The following SPAG4 variants were observed in gnomAD, a reference collection of about 807,000 sequenced individuals.
SPAG4 encodes sperm-associated antigen 4 protein.
SPAG4 carries 54 observed loss-of-function variants against 53.9 expected under a neutral mutation model. The observed-to-expected ratio is 1.00, with a 90% confidence interval of 0.80 to 1.26. The LOEUF is 1.26. Among genes scored for constraint, SPAG4 ranks in the 50% most tolerant of loss-of-function variants. SPAG4 has a pLI of 0.00. For synonymous variants in SPAG4, 246 were observed against 237.4 expected, an observed-to-expected ratio of 1.04 and a Z score of -0.33; for missense variants, 548 against 568.6, an observed-to-expected ratio of 0.96 and a Z score of 0.37.
chr20:35,618,019 G>A (rs1282798006), intron 4 of SPAG4, 68 bp from the exon 5 acceptor site: 2 of 1,528,822 alleles, frequency 1.3e-6, no homozygotes, highest in Non-Finnish European at 1.8e-6. Context: ...TCTTTCCACT[G>A]TCCCCCTATG....
chr20:35,620,177 G>A (rs1368951252), intron 10 of SPAG4, among the ~76,000 whole-genome samples: 1 of 152,100 alleles, frequency 6.6e-6, no homozygotes, highest in African/African-American at 2.4e-5. Flanking sequence ...CACCATGTTG[G>A]CCAGGATGGT....
rs1214581804 is a variant in SPAG4 at position 35,616,230 on chromosome 20, CT to C, written c.228del (p.Gln77SerfsTer20). 6.4e-7 allele frequency: 1 copy of C among 1,559,458 alleles called. No homozygotes were observed. The highest frequency in any genetic ancestry group is 8.6e-7 in the Non-Finnish European group (1 of 1,156,138). On this transcript the variant is annotated frameshift_variant, in exon 1 of 12. Coordinates refer to ENST00000374273, the MANE Select transcript of SPAG4 (RefSeq NM_003116.3). LOFTEE classifies it high-confidence loss of function. ...GGAGGAACCACATGGGCAGGAAGCT[CT>C]CAGCAGAAGCCAGCGCCTCGGAGCC... ...VPGGTTWAGS[S>X]QQKPAPRSHN...
intron 3 of SPAG4, 59 bp from the exon 4 acceptor site, chr20:35,617,720 T>C: frequency 1.3e-6 from 2 of 1,578,190 alleles, no homozygotes; most frequent in Non-Finnish European, 1.7e-6. Flanking sequence ...TCTAGGACCC[T>C]GGGGTGGGGA....
intron 1 of SPAG4, among the ~76,000 whole-genome samples, chr20:35,616,633 CTTTT>C (rs11476679): frequency 3.1e-5 from 4 of 128,916 alleles, no homozygotes; most frequent in Middle Eastern, 3.6e-3. Context: ...GGGACCAACT[CTTTT>C]TTTTTTTTTT....
At position 35,615,914 on chromosome 20, in the gene SPAG4, C is replaced by T; in HGVS notation, c.-90C>T. ...ACTTCACGCAGGGTCCGTGGGGTCC[C>T]CGCGGCGCGCAGCGGCTGAAGGAGG... is the stretch of plus-strand genomic sequence containing the variant. On this transcript the variant is annotated 5_prime_UTR_variant, in exon 1 of 12. Transcript: ENST00000374273. 3 of 1,368,246 alleles carry T rather than the reference C, an allele frequency of 2.2e-6. No individual in the cohort carries two copies. In the East Asian group the frequency reaches 7.4e-5, roughly 34 times the overall value. 84.8% of individuals were successfully genotyped at this position (1,368,246 alleles called of 1,614,324 possible).
intron 10 of SPAG4, 168 bp from the exon 11 acceptor site, chr20:35,620,516 T>C (rs1432896716): frequency 1.8e-6 from 1 of 570,262 alleles, no homozygotes; most frequent in Non-Finnish European, 3.1e-6. Flanking sequence ...AAACCTGGTT[T>C]CTTAGAGCCC....
chr20:35,617,323 C>A (rs921975580), intron 2 of SPAG4, 83 bp downstream of exon 2: 2 of 1,065,736 alleles, frequency 1.9e-6, no homozygotes, highest in East Asian at 2.6e-5. Context: ...CCCCGGCCCC[C>A]GTTTGAGTAT....
rs1419609686 is a variant in SPAG4, at chr20:35,617,781, AGGTC to A, written c.480_483del (p.Glu160AspfsTer14). 1 of 1,613,826 alleles carries A rather than the reference AGGTC, an allele frequency of 6.2e-7. No individual in the cohort carries two copies. Among genetic ancestry groups the A allele is most frequent in the South Asian group, 1.1e-5 (1 of 91,062 alleles). On this transcript the variant is annotated frameshift_variant, in exon 4 of 12. Coordinates refer to ENST00000374273, the MANE Select transcript of SPAG4 (RefSeq NM_003116.3). LOFTEE classifies it high-confidence loss of function. ...TCAGCCTCCCTCCGGTTCCCCAGGG[AGGTC>A]TGTTCCATCCGCTTCCTGTTCACGG...
At chr20:35,620,639 C>CCCCCCA in intron 10 of SPAG4, 45 bp from the exon 11 acceptor site, 1 of 729,052 alleles carries the variant, frequency 1.4e-6, no homozygotes, top group Non-Finnish European at 2.4e-6. Flanking sequence ...CCCCCCGCCC[C>CCCCCCA]ACCTGTCCCC....
intron 2 of SPAG4, 63 bp from the exon 3 acceptor site, chr20:35,617,457 C>T: frequency 1.4e-6 from 2 of 1,433,582 alleles, no homozygotes; most frequent in Non-Finnish European, 9.5e-7. Flanking sequence ...CCGGACACCA[C>T]GCAGGCTGAG....
chr20:35,619,251 T>C lies in SPAG4; in HGVS notation c.850T>C (p.Tyr284His). 1.2e-6 allele frequency: 2 copies of C among 1,613,994 alleles called. No individual in the cohort carries two copies. The highest frequency in any genetic ancestry group is 1.7e-6 in the Non-Finnish European group (2 of 1,179,996). The change falls in exon 9 of 12, where the codon TAC (tyrosine) becomes CAC (histidine). Residue 284 changes from tyrosine to histidine, a missense_variant. Coordinates refer to ENST00000374273, the MANE Select transcript of SPAG4 (RefSeq NM_003116.3). ...CGATTACGCAGACAGGAACACTGCC[T>C]ACTTCTGGAATCGCTTCAGCTTCTG... ...SHDYADRNTA[Y>H]FWNRFSFWNY...
chr20:35,620,580 A>G, intron 10 of SPAG4, 104 bp from the exon 11 acceptor site: 2 of 752,992 alleles, frequency 2.7e-6, no homozygotes, highest in Non-Finnish European at 4.7e-6. Context: ...ACATGCATAT[A>G]GCTATTGAAT....
Position 35,616,017 on chromosome 20 carries a change from C to G in SPAG4, c.14C>G (p.Ser5Cys). The G allele has an allele frequency of 1.2e-6, 2 of 1,611,870 alleles. No homozygotes were observed. Among genetic ancestry groups the G allele is most frequent in the Non-Finnish European group, 1.7e-6 (2 of 1,179,622 alleles). MRRS[S>C]RPGSASSSRK... ...CAGGGGGTCAGGATGCGGCGAAGCTCCCGCCCGGGCTCGGCCTCGTCCTCG... is the reference window on the plus strand; with the variant it reads ...CAGGGGGTCAGGATGCGGCGAAGCTGCCGCCCGGGCTCGGCCTCGTCCTCG... Residue 5 changes from serine (S) to cysteine (C), a missense_variant, in exon 1 of 12, where the codon TCC (serine) becomes TGC (cysteine). Transcript: ENST00000374273.
At position 35,615,895 on chromosome 20, in the gene SPAG4, C is replaced by G. The variant is rs1338212925; in HGVS notation, c.-109C>G. 2.7e-6 allele frequency: 3 copies of G among 1,101,126 alleles called. No individual in the cohort carries two copies. The African/African-American group carries it at 5.0e-5, about 18-fold the overall frequency. The allele number at this position is 1,101,126 out of a possible 1,614,324, so 68.2% of individuals were successfully genotyped here. On this transcript the variant is annotated 5_prime_UTR_variant, in exon 1 of 12. Transcript: ENST00000374273. ...GCGGCCGCGGGGCCTGCCGACTTCA[C>G]GCAGGGTCCGTGGGGTCCCCGCGGC... is the stretch of plus-strand genomic sequence containing the variant.
chr20:35,617,541 G>A lies in SPAG4; in HGVS notation c.431G>A (p.Ser144Asn), dbSNP rs1169459378. ...SFLSLLFQGLSVLLSLAGDVL... is the reference protein window; with the variant it reads ...SFLSLLFQGLNVLLSLAGDVL... Reference sequence around the variant, plus strand: ...TCAGGCCTGCTCTTCCAGGGGCTGAGCGTGTTGTTATCCCTGGCAGGAGAC... The same window carrying A: ...TCAGGCCTGCTCTTCCAGGGGCTGAACGTGTTGTTATCCCTGGCAGGAGAC... Residue 144 changes from serine (S) to asparagine (N), a missense_variant, in exon 3 of 12, where the codon AGC becomes AAC. Coordinates refer to ENST00000374273, the MANE Select transcript of SPAG4 (RefSeq NM_003116.3). The A allele has an allele frequency of 2.5e-6, 4 of 1,601,528 alleles. No individual in the cohort carries two copies. Among genetic ancestry groups the A allele is most frequent in the Non-Finnish European group, 2.6e-6 (3 of 1,173,660 alleles).
Position 35,619,014 on chromosome 20 carries a change from A to C in SPAG4, c.793+16A>C, listed in dbSNP as rs1410532833. The C allele has an allele frequency of 6.2e-7, 1 of 1,608,314 alleles. No individual in the cohort carries two copies. Among genetic ancestry groups the C allele is most frequent in the Non-Finnish European group, 8.5e-7 (1 of 1,174,724 alleles). ...AGCTCTGTGGGTAAGACCCGGAGAC[A>C]CTGGAAGACAGAGACGCAGACAGGA... On this transcript the variant is annotated intron_variant, in intron 8 of 11. Coordinates refer to ENST00000374273, the MANE Select transcript of SPAG4 (RefSeq NM_003116.3).
At chr20:35,617,754 C>T in intron 3 of SPAG4, 25 bp from the exon 4 acceptor site, 1 of 1,611,558 alleles carries the variant, frequency 6.2e-7, no homozygotes, top group Non-Finnish European at 8.5e-7. Context: ...CAGGTCGGGG[C>T]CTCAGCCTCC....
Position 35,618,562 on chromosome 20 carries a change from G to A in SPAG4, c.609-50G>A, listed in dbSNP as rs780931999. On this transcript the variant is annotated intron_variant, in intron 6 of 11. Transcript: ENST00000374273. ...GAAGGCGTGGGGGCCTTTGGGAGGT[G>A]TCCAGGGGGACAGGGAGCCAACCCC... 5 of 1,600,382 alleles carry A rather than the reference G, an allele frequency of 3.1e-6. No homozygotes were observed. The African/African-American group carries it at 5.3e-5, about 17-fold the overall frequency.
chr20:35,619,115 C>CGCCCCCA (rs1051455393), intron 8 of SPAG4, 80 bp from the exon 9 acceptor site: 1 of 1,058,394 alleles, frequency 9.4e-7, no homozygotes, highest in African/African-American at 1.6e-5. Flanking sequence ...AGCCCCCACC[C>CGCCCCCA]GCCCCCAGCC....
Sources: gnomAD v4.1 joint callset for allele counts (sites outside exome capture counted in the v4.1 genomes callset) on GRCh38, gnomAD v4.1.1 for gene constraint, MANE v1.5 for transcripts, NCBI Gene and HGNC (gene_info 2026-07-23, HGNC 2026-07-21) for gene names.